The following SLC45A4 variants were observed in gnomAD, a reference collection of about 807,000 sequenced individuals.
SLC45A4 encodes the protein polyamine-transporter SLC45A4.
A neutral mutation model predicts 63.7 loss-of-function variants in SLC45A4; 32 were observed. That is an observed-to-expected ratio of 0.50 (90% confidence interval 0.38 to 0.67). The LOEUF (loss-of-function observed/expected upper bound fraction) is 0.67. SLC45A4 is among the 30% of genes least tolerant of loss of function. The pLI, the probability that SLC45A4 is intolerant of heterozygous loss-of-function variation, is 0.00. For synonymous variants in SLC45A4, 535 were observed against 510.0 expected (o/e 1.05, Z -0.66); for missense variants, 1,027 against 1,157.7 (o/e 0.89, Z 1.64).
Position 141,254,979 on chromosome 8 carries a change from A to G in SLC45A4, c.-400-350T>C, listed in dbSNP as rs1171067482. On this transcript the variant is annotated intron_variant, in intron 1 of 8. Coordinates refer to ENST00000517878, the MANE Select transcript of SLC45A4 (RefSeq NM_001286646.2). The surrounding 1 kb of genome is among the most constrained non-coding windows in gnomAD (Gnocchi z 4.5). ...GCACGTAACTATTCCAGCAGGCTGG[A>G]GGCAGCTGGCGACACCCTTTGTGGC... Among the ~76,000 whole-genome samples, 2 of 152,198 alleles carry G rather than the reference A, an allele frequency of 1.3e-5. No homozygotes were observed. Among genetic ancestry groups the G allele is most frequent in the Non-Finnish European group, 2.9e-5 (2 of 68,034 alleles).
chr8:141,243,878 GTTACT>G (rs1411902523), intron 2 of SLC45A4, among the ~76,000 whole-genome samples: 2 of 151,974 alleles, frequency 1.3e-5, no homozygotes, highest in Non-Finnish European at 2.9e-5. Context: ...TTTTCTTCAG[GTTACT>G]TTACTATAAA....
At chr8:141,223,533 G>A (rs1826788677) in intron 2 of SLC45A4, among the ~76,000 whole-genome samples, 1 of 152,198 alleles carries the variant, frequency 6.6e-6, no homozygotes, top group Non-Finnish European at 1.5e-5. Flanking sequence ...ACCCGTGCCA[G>A]GCAGCCCCTC....
chr8:141,234,649 G>A (rs1051668905), intron 2 of SLC45A4, among the ~76,000 whole-genome samples: 1 of 152,276 alleles, frequency 6.6e-6, no homozygotes. Context: ...GCCTGCCGTG[G>A]GATATTCTCC....
chr8:141,306,397 T>G (rs1830899309), intron 1 of SLC45A4, among the ~76,000 whole-genome samples: 1 of 152,194 alleles, frequency 6.6e-6, no homozygotes, highest in Non-Finnish European at 1.5e-5. Flanking sequence ...TAGAAACACA[T>G]GAGTTCTTTA....
Position 141,218,156 on chromosome 8 carries a change from C to A in SLC45A4, c.1484G>T (p.Arg495Leu), listed in dbSNP as rs907918745. The A allele has an allele frequency of 1.9e-6, 3 of 1,609,464 alleles. No homozygotes were observed. Among genetic ancestry groups the A allele is most frequent in the Non-Finnish European group, 1.7e-6 (2 of 1,179,940 alleles). ...CTTCAGCATGGAGAGCCACAGCAGG[C>A]GCACCGTGGTCTCGCCCTCCCCCTC... is the stretch of plus-strand genomic sequence containing the variant. ...SEEGEGETTV[R>L]LLWLSMLKMP... The change falls in exon 5 of 9, where the codon CGC becomes CTC. Residue 495 changes from arginine to leucine, a missense_variant. Physicochemically the swap from Arg to Leu is moderately radical, Grantham distance 102 (BLOSUM62 -2). Coordinates refer to ENST00000517878, the MANE Select transcript of SLC45A4 (RefSeq NM_001286646.2).
intron 1 of SLC45A4, among the ~76,000 whole-genome samples, chr8:141,279,219 C>A (rs988145367): frequency 2.0e-5 from 3 of 152,256 alleles, no homozygotes; most frequent in African/African-American, 4.8e-5. Context: ...CTATCCCCAC[C>A]GTGCCAGGCG....
intron 1 of SLC45A4, among the ~76,000 whole-genome samples, chr8:141,289,235 G>T (rs915567227): frequency 2.6e-5 from 4 of 152,182 alleles, no homozygotes; most frequent in African/African-American, 9.7e-5. Context: ...TCGAGAAGGA[G>T]TGAGAAACAG....
At chr8:141,295,838 G>A (rs1303820530) in intron 1 of SLC45A4, among the ~76,000 whole-genome samples, 1 of 152,222 alleles carries the variant, frequency 6.6e-6, no homozygotes, top group Non-Finnish European at 1.5e-5. Context: ...CAGCAGCCCT[G>A]CACCGCCCAG....
intron 1 of SLC45A4, among the ~76,000 whole-genome samples, chr8:141,259,622 A>G (rs1222008209): frequency 2.0e-5 from 3 of 151,986 alleles, no homozygotes; most frequent in Non-Finnish European, 4.4e-5. Context: ...GGCTCACTGG[A>G]CCCCTTTAGA....
chr8:141,291,256 A>G (rs922309873), intron 1 of SLC45A4, among the ~76,000 whole-genome samples: 2 of 152,220 alleles, frequency 1.3e-5, no homozygotes, highest in Non-Finnish European at 2.9e-5. Context: ...AGCTTTCACC[A>G]CATCTCCAAA....
At chr8:141,248,878 G>A (rs1162235306) in intron 2 of SLC45A4, among the ~76,000 whole-genome samples, 2 of 152,116 alleles carry the variant, frequency 1.3e-5, no homozygotes, top group Admixed American at 6.6e-5. Flanking sequence ...TTAGATGGGC[G>A]TGGTGGTGCA....
At chr8:141,293,927 T>C (rs981273049) in intron 1 of SLC45A4, among the ~76,000 whole-genome samples, 1 of 148,242 alleles carries the variant, frequency 6.7e-6, no homozygotes, top group Non-Finnish European at 1.5e-5. Context: ...AGCGAGACTC[T>C]ATCTCAAGAA....
Position 141,218,514 on chromosome 8 carries a change from T to C in SLC45A4, c.1126A>G (p.Asn376Asp). 6.2e-7 allele frequency: 1 copy of C among 1,613,510 alleles called. No individual in the cohort carries two copies. Reference protein sequence around the residue: ...AAKEDETLLDNHLNEAKVPNG... With the variant: ...AAKEDETLLDDHLNEAKVPNG... Reference sequence around the variant, plus strand: ...GGGACTTTAGCTTCATTCAAGTGATTATCCAGCAAGGTCTCGTCCTCCTTG... The same window carrying C: ...GGGACTTTAGCTTCATTCAAGTGATCATCCAGCAAGGTCTCGTCCTCCTTG... Residue 376 changes from asparagine (N) to aspartate (D), a missense_variant, in exon 5 of 9, where the codon AAT becomes GAT. Asn to Asp is a conservative substitution (Grantham distance 23). Transcript: ENST00000517878.
rs767953819 is a variant in SLC45A4, at chr8:141,218,262, C to T, written c.1378G>A (p.Asp460Asn). ...KPSRSMSDLY[D>N]MQKRQRQHRH... ...TGCTGCCGCTGCCGCTTCTGCATGTCGTACAGGTCGCTCATGCTGCGCGAC... is the reference window on the plus strand; with the variant it reads ...TGCTGCCGCTGCCGCTTCTGCATGTTGTACAGGTCGCTCATGCTGCGCGAC... Residue 460 changes from aspartate (D) to asparagine (N), a missense_variant, in exon 5 of 9, where the codon GAC becomes AAC. Coordinates refer to ENST00000517878, the MANE Select transcript of SLC45A4 (RefSeq NM_001286646.2). 6.9e-6 allele frequency: 11 copies of T among 1,602,954 alleles called. No individual in the cohort carries two copies. The Admixed American group carries it at 1.0e-4, about 15-fold the overall frequency.
chr8:141,269,536 G>A (rs1211309094), intron 1 of SLC45A4, among the ~76,000 whole-genome samples: 5 of 150,738 alleles, frequency 3.3e-5, no homozygotes, highest in Non-Finnish European at 7.4e-5. Flanking sequence ...GCCTATGTGG[G>A]TGTGTGTGTG....
rs765264827 is a variant in SLC45A4, at chr8:141,218,956, C to T, written c.684G>A (p.Arg228=). Residue 228 remains arginine, a synonymous_variant, in exon 5 of 9, where the codon CGG becomes CGA. Coordinates refer to ENST00000517878, the MANE Select transcript of SLC45A4 (RefSeq NM_001286646.2). The stretch of plus-strand genomic sequence containing the variant: ...AGAAGAAGAGCACCTGGTTCTGGGT[C>T]CGGAACCAGCTGCCCAGGAAGGTCT... ...WTQTFLGSWF[R]TQNQVLFFFA... is the part of the protein sequence containing the mutation. 4 of 1,613,640 alleles carry T rather than the reference C, an allele frequency of 2.5e-6. No homozygotes were observed. The highest frequency in any genetic ancestry group is 3.4e-6 in the Non-Finnish European group (4 of 1,179,944).
At chr8:141,265,625 T>G (rs1829236016) in intron 1 of SLC45A4, among the ~76,000 whole-genome samples, 1 of 152,206 alleles carries the variant, frequency 6.6e-6, no homozygotes, top group Non-Finnish European at 1.5e-5. Flanking sequence ...AGGCATGACG[T>G]CACACTGAAC....
Position 141,218,431 on chromosome 8 carries a change from C to G in SLC45A4, c.1209G>C (p.Thr403=). 6.2e-7 allele frequency: 1 copy of G among 1,612,038 alleles called. No homozygotes were observed. Among genetic ancestry groups the G allele is most frequent in the Non-Finnish European group, 8.5e-7 (1 of 1,179,930 alleles). ...DALGGYTRVD[T]KPSATSSSMR... Reference sequence around the variant, plus strand: ...TGGAGCTCGACGTGGCCGAGGGCTTCGTGTCCACCCTGGTGTAGCCGCCGA... The same window carrying G: ...TGGAGCTCGACGTGGCCGAGGGCTTGGTGTCCACCCTGGTGTAGCCGCCGA... Residue 403 remains threonine (T), a synonymous_variant, in exon 5 of 9, where the codon ACG becomes ACC. Transcript: ENST00000517878.
chr8:141,246,325 C>A (rs532539936), intron 2 of SLC45A4, among the ~76,000 whole-genome samples: 1 of 152,332 alleles, frequency 6.6e-6, no homozygotes, highest in South Asian at 2.1e-4. Flanking sequence ...GGCCACATAC[C>A]TCCTGCGGCC....
Sources: allele counts gnomAD v4.1 joint callset (sites outside exome capture counted in the v4.1 genomes callset), GRCh38; gene constraint gnomAD v4.1.1; non-coding constraint Gnocchi (gnomAD v3.1); transcripts MANE v1.5; gene names NCBI Gene and HGNC (gene_info 2026-07-23, HGNC 2026-07-21).